Variants in PPARGC1B observed in about 807,000 individuals in gnomAD.
PPARGC1B encodes the protein PPARG coactivator 1 beta, also known as peroxisome proliferator-activated receptor gamma coactivator 1-beta.
A neutral mutation model predicts 101.6 loss-of-function variants in PPARGC1B; 34 were observed. The observed-to-expected ratio is 0.33, with a 90% CI of 0.25 to 0.45. PPARGC1B has a LOEUF of 0.45. Among genes scored for constraint, PPARGC1B ranks in the 20% least tolerant of loss-of-function variants. The pLI is 1.00. For synonymous variants in PPARGC1B, 548 were observed against 539.3 expected (o/e 1.02, Z -0.22); for missense variants, 1,234 against 1,317.6 (o/e 0.94, Z 0.98).
chr5:149,770,194 G>A (rs1370569812), intron 1 of PPARGC1B, among the ~76,000 whole-genome samples: 3 of 152,086 alleles, frequency 2.0e-5, no homozygotes, highest in African/African-American at 7.2e-5. Context: ...CTAAGCCCCT[G>A]CCTTCCTGCC....
chr5:149,740,014 C>G (rs901877210), intron 1 of PPARGC1B: 1 of 152,248 alleles, frequency 6.6e-6, no homozygotes, highest in Non-Finnish European at 1.5e-5. Context: ...AATTGCTACC[C>G]AGATCTGGAG....
intron 1 of PPARGC1B, among the ~76,000 whole-genome samples, chr5:149,794,524 G>GCGCA (rs1491358678): frequency 7.0e-6 from 1 of 143,560 alleles, no homozygotes; most frequent in African/African-American, 2.5e-5. Flanking sequence ...ATGTGAGCGT[G>GCGCA]CACACACACA....
intron 1 of PPARGC1B, among the ~76,000 whole-genome samples, chr5:149,812,754 C>A (rs1757912185): frequency 6.6e-6 from 1 of 152,226 alleles, no homozygotes; most frequent in Non-Finnish European, 1.5e-5. Context: ...AATGCTCCTG[C>A]AGTTTCCTGG....
chr5:149,819,515 G>A (rs554379417), intron 1 of PPARGC1B, among the ~76,000 whole-genome samples: 28 of 150,924 alleles, frequency 1.9e-4, no homozygotes, highest in East Asian at 5.8e-4. Context: ...TTTGTTTTTC[G>A]TTTTTTTGAG....
intron 1 of PPARGC1B, among the ~76,000 whole-genome samples, chr5:149,770,690 G>T (rs1057157745): frequency 6.6e-6 from 1 of 151,856 alleles, no homozygotes; most frequent in African/African-American, 2.4e-5. Context: ...AAAATCTGCT[G>T]AGTGTGGTGG....
intron 1 of PPARGC1B, among the ~76,000 whole-genome samples, chr5:149,783,646 G>C (rs1359687211): frequency 6.6e-6 from 1 of 152,192 alleles, no homozygotes; most frequent in Non-Finnish European, 1.5e-5. Context: ...TCAGCTCTCT[G>C]CTGTCTCACC....
chr5:149,761,080 T>A (rs1185258924), intron 1 of PPARGC1B, among the ~76,000 whole-genome samples: 6 of 152,344 alleles, frequency 3.9e-5, no homozygotes, highest in African/African-American at 1.4e-4. Flanking sequence ...GGTGGCTTTT[T>A]TTCTTTTCTT....
intron 1 of PPARGC1B, among the ~76,000 whole-genome samples, chr5:149,746,290 A>G (rs979553467): frequency 7.2e-5 from 11 of 152,158 alleles, no homozygotes; most frequent in Non-Finnish European, 1.5e-4. Flanking sequence ...AATGACCACC[A>G]TTCTACTTTC....
rs533345326 is a variant in PPARGC1B, at chr5:149,832,884, G to T, written c.811G>T (p.Gly271Cys). 6.2e-7 allele frequency: 1 copy of T among 1,612,886 alleles called. No homozygotes were observed. Among genetic ancestry groups the T allele is most frequent in the South Asian group, 1.1e-5 (1 of 90,984 alleles). ...PASPRDSLAL[G>C]RADPGAPVSQ... ...CTCTCCCCGGGACTCCCTAGCTCTG[G>T]GCAGGGCAGACCCCGGTGCCCCGGT... Residue 271 changes from glycine (G) to cysteine (C), a missense_variant, in exon 5 of 12, where the codon GGC (glycine) becomes TGC (cysteine). Transcript: ENST00000309241. The surrounding 1 kb of genome is among the most constrained non-coding windows in gnomAD (Gnocchi z 4.9).
chr5:149,809,477 CATAGATAGATAGATAGATAG>C (rs70973546), intron 1 of PPARGC1B, among the ~76,000 whole-genome samples: 9,145 of 54,554 alleles, frequency 0.17, 1,379 homozygotes, highest in Non-Finnish European at 0.23. Context: ...CCATCTCTAC[CATAGATAGATAGATAGATAG>C]ATAGATAGAT....
rs531257837 is a variant in PPARGC1B, at chr5:149,849,287, A to T, written c.*1729A>T. 6.6e-6 allele frequency: 1 copy of T among 152,234 alleles called. No homozygotes were observed. The highest frequency in any genetic ancestry group is 1.9e-4 in the East Asian group (1 of 5,198). 9.4% of individuals were successfully genotyped at this position (152,234 alleles called of 1,614,324 possible). On this transcript the variant is annotated 3_prime_UTR_variant, in exon 12 of 12. Coordinates refer to ENST00000309241, the MANE Select transcript of PPARGC1B (RefSeq NM_133263.4). ...TGAGTGGTGAGCATACTCCCAGCCC[A>T]TGGACAAGGCCGGAAGAGACAGGCT...
At chr5:149,803,288 G>A (rs897882313) in intron 1 of PPARGC1B, among the ~76,000 whole-genome samples, 3 of 152,292 alleles carry the variant, frequency 2.0e-5, no homozygotes, top group African/African-American at 7.2e-5. Context: ...TTCTAGTCCT[G>A]GTCCTGTCTT....
chr5:149,743,010 C>A (rs1712840858), intron 1 of PPARGC1B, among the ~76,000 whole-genome samples: 1 of 151,984 alleles, frequency 6.6e-6, no homozygotes, highest in Non-Finnish European at 1.5e-5. Flanking sequence ...GATGGGGGTG[C>A]AGAAGAGGAT....
At chr5:149,818,471 G>A (rs903760934) in intron 1 of PPARGC1B, among the ~76,000 whole-genome samples, 2 of 152,306 alleles carry the variant, frequency 1.3e-5, no homozygotes, top group African/African-American at 2.4e-5. Flanking sequence ...GGGACCGGCC[G>A]CTTGAGAGGA....
rs113617785 is a variant in PPARGC1B at position 149,790,825 on chromosome 5, G to A, written c.79-29608G>A. Among the ~76,000 whole-genome samples the A allele has an allele frequency of 7.2e-5, 11 of 152,254 alleles. 1 individual carries two copies. The highest frequency in any genetic ancestry group is 2.6e-4 in the African/African-American group (11 of 41,560). On this transcript the variant is annotated intron_variant, in intron 1 of 11. Coordinates refer to ENST00000309241, the MANE Select transcript of PPARGC1B (RefSeq NM_133263.4). Reference sequence around the variant, plus strand: ...GCCTCAGGAATCTGGACAGTGGACAGTAATGGTTACTTTGTTACTTGGGAG... The same window carrying A: ...GCCTCAGGAATCTGGACAGTGGACAATAATGGTTACTTTGTTACTTGGGAG...
chr5:149,834,898 A>G (rs1758982090), intron 6 of PPARGC1B, among the ~76,000 whole-genome samples, 188 bp downstream of exon 6: 1 of 151,980 alleles, frequency 6.6e-6, no homozygotes, highest in South Asian at 2.1e-4. Context: ...TTAGAAACTG[A>G]CTTTTGCAGG....
intron 1 of PPARGC1B, among the ~76,000 whole-genome samples, chr5:149,804,709 G>C (rs143854370): frequency 6.6e-6 from 1 of 152,130 alleles, no homozygotes; most frequent in Non-Finnish European, 1.5e-5. Context: ...TGTAATCCCC[G>C]TGAGTGGAAG....
At chr5:149,843,136 C>G (rs1486964505) in intron 10 of PPARGC1B, among the ~76,000 whole-genome samples, 2 of 152,156 alleles carry the variant, frequency 1.3e-5, no homozygotes, top group African/African-American at 2.4e-5. Context: ...CCACTGCACT[C>G]CAGCCTGGGT....
rs1178525526 is a variant in PPARGC1B at position 149,832,817 on chromosome 5, G to A, written c.744G>A (p.Lys248=). Residue 248 remains lysine (K), a synonymous_variant, in exon 5 of 12, where the codon AAG becomes AAA. Transcript: ENST00000309241. The surrounding 1 kb of genome is among the most constrained non-coding windows in gnomAD (Gnocchi z 4.9). ...CCCGGCTCCCTGCCAAGGAGGACAA[G>A]GAGCCGGGTGAGGACTGCCCGAGCC... is the stretch of plus-strand genomic sequence containing the variant. ...QSPRLPAKED[K]EPGEDCPSPQ... 1.2e-6 allele frequency: 2 copies of A among 1,611,552 alleles called. No individual in the cohort carries two copies. Among genetic ancestry groups the A allele is most frequent in the Non-Finnish European group, 1.7e-6 (2 of 1,178,758 alleles).
Sources: allele counts gnomAD v4.1 joint callset (sites outside exome capture counted in the v4.1 genomes callset), GRCh38; gene constraint gnomAD v4.1.1; non-coding constraint Gnocchi (gnomAD v3.1); transcripts MANE v1.5; gene names NCBI Gene and HGNC (gene_info 2026-07-23, HGNC 2026-07-21).